The following WDR24 variants were observed in gnomAD, a reference collection of about 807,000 sequenced individuals.
WDR24 encodes GATOR2 complex protein WDR24.
Under a neutral mutation model 66.7 loss-of-function variants are expected in WDR24, and 32 were observed. The observed-to-expected ratio is 0.48, with a 90% CI of 0.36 to 0.64. The LOEUF (loss-of-function observed/expected upper bound fraction) is 0.64. Among genes scored for constraint, WDR24 ranks in the 30% least tolerant of loss-of-function variants. The pLI is 0.00. For missense variants in WDR24, 978 were observed against 1,144.1 expected (o/e 0.85, Z 2.09); for synonymous variants, 565 against 469.1 (o/e 1.20, Z -2.64).
At position 685,392 on chromosome 16, in the gene WDR24, C is replaced by G. The variant is rs991086552; in HGVS notation, c.1884G>C (p.Leu628=). 6 of 1,612,504 alleles carry G rather than the reference C, an allele frequency of 3.7e-6. No homozygotes were observed. The East Asian group carries it at 1.3e-4, about 36-fold the overall frequency. Residue 628 remains leucine, a synonymous_variant, in exon 7 of 9, where the codon CTG becomes CTC. Transcript: ENST00000293883. ...CCAGCACGCCGAAGAAGTCGGGCGG[C>G]AGGCGGCTGTCGTAGAGCGCGTGTG... is the stretch of plus-strand genomic sequence containing the variant. The part of the protein sequence containing the change: ...SVSHALYDSR[L]PPDFFGVLVR...
At chr16:688,979 CTCACATGCCGTCCAGCCCAACTTGCCCCA>C (rs1277743051) in intron 1 of WDR24, 152 bp downstream of exon 1, 69 of 965,174 alleles carry the variant, frequency 7.1e-5, no homozygotes, top group Non-Finnish European at 1.0e-4. Flanking sequence ...ACTGCCCTGG[CTCACATGCCGTCCAGCCCAACTTGCCCCA>C]TCCCTCCCCT....
rs1380573692 is a variant in WDR24, at chr16:684,742, A to T, written c.2365T>A (p.Tyr789Asn). The part of the protein sequence containing the change: ...CPAGCGHLCE[Y>N]S ...GCCCAGCAGATGCCCCGTCAGGAGT[A>T]CTCGCAGAGGTGGCCGCAGCCTGCG... The change falls in exon 9 of 9, where the codon TAC becomes AAC. Residue 789 changes from tyrosine to asparagine, a missense_variant. Coordinates refer to ENST00000293883, the MANE Select transcript of WDR24 (RefSeq NM_032259.4). 1 of 1,596,424 alleles carries T rather than the reference A, an allele frequency of 6.3e-7. No homozygotes were observed. Among genetic ancestry groups the T allele is most frequent in the East Asian group, 2.3e-5 (1 of 43,956 alleles).
rs1420071148 is a variant in WDR24, at chr16:686,067, C to G, written c.1451+1G>C. 1.2e-6 allele frequency: 2 copies of G among 1,612,794 alleles called. No homozygotes were observed. Among genetic ancestry groups the G allele is most frequent in the Admixed American group, 1.7e-5 (1 of 59,990 alleles). ...TGGGGAGAGCTGCCCCCGGCATCTA[C>G]CTGTTCATGAGCGGGAGGCCACAGG... On this transcript the variant is annotated splice_donor_variant, in intron 4 of 8. Coordinates refer to ENST00000293883, the MANE Select transcript of WDR24 (RefSeq NM_032259.4). LOFTEE classifies it high-confidence loss of function.
Position 690,151 on chromosome 16 carries a change from C to G in WDR24, c.-511G>C. On this transcript the variant is annotated 5_prime_UTR_variant, in exon 1 of 9. Transcript: ENST00000293883. ...GGGGCCCGGGGACTCAGGCGATAGACGCGGGAAGGGCCCAGAGGGACGTCA... is the reference window on the plus strand; with the variant it reads ...GGGGCCCGGGGACTCAGGCGATAGAGGCGGGAAGGGCCCAGAGGGACGTCA... 4.6e-6 allele frequency: 2 copies of G among 430,222 alleles called. No homozygotes were observed. Among genetic ancestry groups the G allele is most frequent in the South Asian group, 3.3e-5 (2 of 60,866 alleles). 26.7% of individuals were successfully genotyped at this position (430,222 alleles called of 1,614,324 possible). A position where few individuals can be genotyped will look rare whatever the true frequency, so the allele number is the denominator to read the frequency against.
At position 689,830 on chromosome 16, in the gene WDR24, A is replaced by G. The variant is rs2039946658; in HGVS notation, c.-190T>C. 1.1e-6 allele frequency: 1 copy of G among 917,522 alleles called. No homozygotes were observed. Among genetic ancestry groups the G allele is most frequent in the East Asian group, 2.6e-5 (1 of 38,098 alleles). 56.8% of individuals were successfully genotyped at this position (917,522 alleles called of 1,614,324 possible). A position where few individuals can be genotyped will look rare whatever the true frequency, so the allele number is the denominator to read the frequency against. On this transcript the variant is annotated 5_prime_UTR_variant, in exon 1 of 9. Coordinates refer to ENST00000293883, the MANE Select transcript of WDR24 (RefSeq NM_032259.4). ...GCCAATCAGCCTGACAGGCAAGCTC[A>G]AATTCACTGGAGTCTGTCAGTCCAG... is the stretch of plus-strand genomic sequence containing the variant.
intron 1 of WDR24, 181 bp downstream of exon 1, chr16:688,979 C>T (rs1441375850): frequency 1.0e-6 from 1 of 965,056 alleles, no homozygotes; most frequent in Non-Finnish European, 1.5e-6. Context: ...ACTGCCCTGG[C>T]TCACATGCCG....
Position 684,780 on chromosome 16 carries a change from C to G in WDR24, c.2327G>C (p.Ser776Thr). Residue 776 changes from serine (S) to threonine (T), a missense_variant, in exon 9 of 9, where the codon AGC becomes ACC. Coordinates refer to ENST00000293883, the MANE Select transcript of WDR24 (RefSeq NM_032259.4). Reference sequence around the variant, plus strand: ...GCCGCAGCCTGCGGGACAGTGGGAGCTGCCTTCCAGCCACTTCATGATGTG... The same window carrying G: ...GCCGCAGCCTGCGGGACAGTGGGAGGTGCCTTCCAGCCACTTCATGATGTG... Reference protein sequence around the residue: ...LQHIMKWLEGSSHCPAGCGHL... With the variant: ...LQHIMKWLEGTSHCPAGCGHL... 5 of 1,597,590 alleles carry G rather than the reference C, an allele frequency of 3.1e-6. No homozygotes were observed. In the African/African-American group the frequency reaches 5.4e-5, roughly 17 times the overall value.
chr16:688,887 G>T, intron 1 of WDR24: 1 of 474,116 alleles, frequency 2.1e-6, no homozygotes, highest in Non-Finnish European at 3.8e-6. Flanking sequence ...GGCTGGCTGG[G>T]AGACCGCTGG....
chr16:688,515 A>G (rs943939144), intron 1 of WDR24, among the ~76,000 whole-genome samples: 2 of 152,184 alleles, frequency 1.3e-5, no homozygotes, highest in Admixed American at 1.3e-4. Flanking sequence ...GAGGGTCTCA[A>G]TCTCCTGACC....
rs1229118734 is a variant in WDR24 at position 690,206 on chromosome 16, GTC to G, written c.-568_-567del. 5.1e-6 allele frequency: 2 copies of G among 391,404 alleles called. No individual in the cohort carries two copies. The highest frequency in any genetic ancestry group is 2.1e-5 in the African/African-American group (1 of 47,820). The allele number at this position is 391,404 out of a possible 1,614,324, so 24.2% of individuals were successfully genotyped here. On this transcript the variant is annotated 5_prime_UTR_variant, in exon 1 of 9. Transcript: ENST00000293883. Reference sequence around the variant, plus strand: ...CCGAGCTACTTAAGGAGCTCGAGGTGTCTGGCGGGACCGGAGGCAGGAGAGAA... The same window carrying G: ...CCGAGCTACTTAAGGAGCTCGAGGTGTGGCGGGACCGGAGGCAGGAGAGAA...
In WDR24 at chr16:687,384, A is replaced by G. The variant is rs757123626; in HGVS notation, c.692T>C (p.Met231Thr). Reference sequence around the variant, plus strand: ...CGTGGTCATGTCCCAGACCTTCACCATCTTGTCGCGCCCTCCAGTGGCCAA... The same window carrying G: ...CGTGGTCATGTCCCAGACCTTCACCGTCTTGTCGCGCCCTCCAGTGGCCAA... ...GWLATGGRDK[M>T]VKVWDMTTHR... is the part of the protein sequence containing the mutation. The change falls in exon 3 of 9, where the codon ATG becomes ACG. Residue 231 changes from methionine to threonine, a missense_variant. Met to Thr is a moderately conservative substitution (Grantham distance 81). Around this residue, in one of 2 missense-constraint regions of WDR24, gnomAD observed 302 missense variants for 526.6 expected, o/e 0.57. Transcript: ENST00000293883. The G allele has an allele frequency of 5.0e-6, 8 of 1,593,250 alleles. No individual in the cohort carries two copies. Among genetic ancestry groups the G allele is most frequent in the Non-Finnish European group, 6.9e-6 (8 of 1,167,832 alleles).
rs1389927122 is a variant in WDR24 at position 690,381 on chromosome 16, A to G, written c.-741T>C. On this transcript the variant is annotated 5_prime_UTR_variant, in exon 1 of 9. Coordinates refer to ENST00000293883, the MANE Select transcript of WDR24 (RefSeq NM_032259.4). ...TACTAAAAGCGCACGGTTGTCCGGA[A>G]CCGCCGCGCCGGAAGCCGCTGTCTT... The G allele has an allele frequency of 2.2e-6, 1 of 456,640 alleles. No individual in the cohort carries two copies. The highest frequency in any genetic ancestry group is 4.4e-6 in the Non-Finnish European group (1 of 226,938). The allele number at this position is 456,640 out of a possible 1,614,324, so 28.3% of individuals were successfully genotyped here. A position where few individuals can be genotyped will look rare whatever the true frequency, so the allele number is the denominator to read the frequency against.
In WDR24 at chr16:689,597, A is replaced by G; in HGVS notation, c.44T>C (p.Val15Ala). Reference protein sequence around the residue: ...SRVTTALGGSVLTGRTMHCHL... With the variant: ...SRVTTALGGSALTGRTMHCHL... The stretch of plus-strand genomic sequence containing the variant: ...GCAGTGCATGGTGCGGCCTGTCAGC[A>G]CGCTGCCACCCAGGGCTGTGGTCAC... Residue 15 changes from valine (V) to alanine (A), a missense_variant, in exon 1 of 9, where the codon GTG becomes GCG. By Grantham distance (64) the Val-to-Ala change is moderately conservative. Around this residue, in one of 2 missense-constraint regions of WDR24, gnomAD observed 302 missense variants for 526.6 expected, o/e 0.57. Transcript: ENST00000293883. 7 of 1,612,842 alleles carry G rather than the reference A, an allele frequency of 4.3e-6. No homozygotes were observed. Among genetic ancestry groups the G allele is most frequent in the Non-Finnish European group, 5.9e-6 (7 of 1,179,996 alleles).
Position 684,658 on chromosome 16 carries a change from G to C in WDR24, c.*76C>G. Reference sequence around the variant, plus strand: ...TCCTTTATTGAGGTCTCAAGTTCCAGCCTCCGCCCGTCTCGGGCACAAGAC... The same window carrying C: ...TCCTTTATTGAGGTCTCAAGTTCCACCCTCCGCCCGTCTCGGGCACAAGAC... On this transcript the variant is annotated 3_prime_UTR_variant, in exon 9 of 9. Transcript: ENST00000293883. The C allele has an allele frequency of 6.8e-7, 1 of 1,475,988 alleles. No individual in the cohort carries two copies. The highest frequency in any genetic ancestry group is 9.0e-7 in the Non-Finnish European group (1 of 1,114,804). The allele number at this position is 1,475,988 out of a possible 1,614,324, so 91.4% of individuals were successfully genotyped here.
Position 689,584 on chromosome 16 carries a change from G to A in WDR24, c.57C>T (p.Arg19=). The A allele has an allele frequency of 6.2e-7, 1 of 1,612,966 alleles. No homozygotes were observed. Among genetic ancestry groups the A allele is most frequent in the Non-Finnish European group, 8.5e-7 (1 of 1,180,032 alleles). The change falls in exon 1 of 9, where the codon CGC becomes CGT. Residue 19 remains arginine, a synonymous_variant. Coordinates refer to ENST00000293883, the MANE Select transcript of WDR24 (RefSeq NM_032259.4). ...GAGCATCCAGGTGGCAGTGCATGGTGCGGCCTGTCAGCACGCTGCCACCCA... is the reference window on the plus strand; with the variant it reads ...GAGCATCCAGGTGGCAGTGCATGGTACGGCCTGTCAGCACGCTGCCACCCA... ...TALGGSVLTG[R]TMHCHLDAPA...
In WDR24 at chr16:684,952, C is replaced by T. The variant is rs199825206; in HGVS notation, c.2204+40G>A. 73 of 1,536,908 alleles carry T rather than the reference C, an allele frequency of 4.7e-5. No individual in the cohort carries two copies. The Admixed American group carries it at 6.3e-4, about 13-fold the overall frequency. ...GCCTCAGCGGGGGCTGCTGCGCTGC[C>T]TGCAGGCCCCTGCCCCACCTCCCGA... On this transcript the variant is annotated intron_variant, in intron 8 of 8. Transcript: ENST00000293883.
Position 687,134 on chromosome 16 carries a change from C to G in WDR24, c.942G>C (p.Leu314=), listed in dbSNP as rs767914115. Residue 314 remains leucine, a synonymous_variant, in exon 3 of 9, where the codon CTG becomes CTC. Transcript: ENST00000293883. ...AWRHPHDPSF[L]LSGSKDSSLC... ...GCGAGCTGTCCTTGGAGCCAGACAG[C>G]AGGAAGGAGGGGTCGTGGGGGTGGC... 1.2e-6 allele frequency: 2 copies of G among 1,611,824 alleles called. No homozygotes were observed. The highest frequency in any genetic ancestry group is 1.7e-6 in the Non-Finnish European group (2 of 1,179,896).
At chr16:685,824 A>G in intron 5 of WDR24, 41 bp from the exon 6 acceptor site, 1 of 1,612,400 alleles carries the variant, frequency 6.2e-7, no homozygotes, top group Non-Finnish European at 8.5e-7. Context: ...CGTCTGGGAC[A>G]CCCCCACCCC....
At chr16:686,308 GCCCA>G (rs1340045694) in intron 3 of WDR24, 122 bp from the exon 4 acceptor site, 1 of 1,099,832 alleles carries the variant, frequency 9.1e-7, no homozygotes, top group Non-Finnish European at 1.3e-6. Context: ...CAATGTCCAG[GCCCA>G]CCCCAGGTAG....
Sources: allele counts gnomAD v4.1 joint callset (sites outside exome capture counted in the v4.1 genomes callset), GRCh38; gene constraint gnomAD v4.1.1; regional missense constraint gnomAD v4.1.1; transcripts MANE v1.5; gene names NCBI Gene and HGNC (gene_info 2026-07-23, HGNC 2026-07-21).